The following RPS6KA3 variants were observed in gnomAD, a reference collection of about 807,000 sequenced individuals.
RPS6KA3 encodes the protein ribosomal protein S6 kinase A3, also known as ribosomal protein S6 kinase alpha-3.
RPS6KA3 carries 4 observed loss-of-function variants against 67.2 expected under a neutral mutation model. That is an observed-to-expected ratio of 0.06 (90% CI 0.03 to 0.14). RPS6KA3 has a LOEUF of 0.14. Ranked by LOEUF, RPS6KA3 falls within the 10% of genes least tolerant of loss-of-function variation. The pLI is 1.00. For missense variants in RPS6KA3, 204 were observed against 559.0 expected, an observed-to-expected ratio of 0.36 and a Z score of 6.40; for synonymous variants, 182 against 183.7, an observed-to-expected ratio of 0.99 and a Z score of 0.07.
At chrX:20,189,790 G>C (rs1348593677) in intron 7 of RPS6KA3, among the ~76,000 whole-genome samples, 1 of 111,970 alleles carries the variant, frequency 8.9e-6, no homozygotes, top group Non-Finnish European at 1.9e-5. Context: ...GTCAAACTTT[G>C]TTATAAAATT....
In RPS6KA3 at chrX:20,168,498, C is replaced by T. The variant is rs776386310; in HGVS notation, c.1444-751G>A. On this transcript the variant is annotated intron_variant, in intron 16 of 21. Transcript: ENST00000379565. ...GAAGTCTGAAAACTACAGAGGAAGGCAGGGTCTTAAGCGGCTGGGGACTTT... is the reference window on the plus strand; with the variant it reads ...GAAGTCTGAAAACTACAGAGGAAGGTAGGGTCTTAAGCGGCTGGGGACTTT... Among the ~76,000 whole-genome samples the T allele has an allele frequency of 3.0e-4, 34 of 111,707 alleles. No individual in the cohort carries two copies. In the South Asian group the frequency reaches 0.012, roughly 40 times the overall value.
intron 3 of RPS6KA3, among the ~76,000 whole-genome samples, chrX:20,209,066 T>TA (rs1265258404): frequency 8.9e-6 from 1 of 111,821 alleles, no homozygotes; most frequent in African/African-American, 3.3e-5. Flanking sequence ...CTCTTGAAGA[T>TA]AAAGTAGGAA....
At chrX:20,173,188 C>T (rs945136532) in intron 14 of RPS6KA3, among the ~76,000 whole-genome samples, 1 of 111,165 alleles carries the variant, frequency 9.0e-6, no homozygotes, top group Non-Finnish European at 1.9e-5. Context: ...AGTCCCCAGT[C>T]GGCTATAGGT....
intron 13 of RPS6KA3, 55 bp from the exon 14 acceptor site, chrX:20,175,343 A>G: frequency 8.8e-7 from 1 of 1,137,715 alleles, no homozygotes; most frequent in Non-Finnish European, 1.2e-6. Context: ...ATTAAGGGAA[A>G]AACTGTTGAC....
intron 7 of RPS6KA3, among the ~76,000 whole-genome samples, chrX:20,191,991 C>T (rs2148696432): frequency 9.0e-6 from 1 of 110,752 alleles, no homozygotes; most frequent in South Asian, 3.9e-4. Context: ...GTCTCAAACT[C>T]CTGACCTCAA....
intron 17 of RPS6KA3, among the ~76,000 whole-genome samples, chrX:20,165,839 C>T (rs1269341791): frequency 9.0e-6 from 1 of 111,282 alleles, no homozygotes; most frequent in Admixed American, 9.6e-5. Flanking sequence ...AATGATCTAC[C>T]TGAGTACAGT....
At position 20,154,423 on chromosome X, in the gene RPS6KA3, T is replaced by G. The variant is rs1345302020; in HGVS notation, c.*975A>C. On this transcript the variant is annotated 3_prime_UTR_variant, in exon 22 of 22. Coordinates refer to ENST00000379565, the MANE Select transcript of RPS6KA3 (RefSeq NM_004586.3). ...CAATTACCTGTTGCTAAATTTTCCTTCACCCATCTCCTTACCATGACTCTT... is the reference window on the plus strand; with the variant it reads ...CAATTACCTGTTGCTAAATTTTCCTGCACCCATCTCCTTACCATGACTCTT... 2.7e-5 allele frequency: 3 copies of G among 112,525 alleles called. No individual in the cohort carries two copies. The highest frequency in any genetic ancestry group is 6.5e-5 in the African/African-American group (2 of 30,965). The allele number at this position is 112,525 out of a possible 1,213,427, so 9.3% of individuals were successfully genotyped here. A position where few individuals can be genotyped will look rare whatever the true frequency, so the allele number is the denominator to read the frequency against.
chrX:20,156,015 G>C lies in RPS6KA3; in HGVS notation c.2100+94C>G, dbSNP rs1436282167. 7.4e-6 allele frequency: 7 copies of C among 950,087 alleles called. No homozygotes were observed. In the African/African-American group the frequency reaches 1.3e-4, roughly 18 times the overall value. 78.3% of individuals were successfully genotyped at this position (950,087 alleles called of 1,213,427 possible). ...AATCCCACAACAGAACTGGATGCAG[G>C]ATGAAAGAGAAAGGTGCTGGGGGCA... On this transcript the variant is annotated intron_variant, in intron 21 of 21. Transcript: ENST00000379565.
intron 14 of RPS6KA3, among the ~76,000 whole-genome samples, chrX:20,174,259 A>G (rs2067641590): frequency 9.0e-6 from 1 of 111,728 alleles, no homozygotes; most frequent in Non-Finnish European, 1.9e-5. Context: ...AGGGTGAAAC[A>G]AACTCGGCAT....
intron 1 of RPS6KA3, among the ~76,000 whole-genome samples, chrX:20,253,923 T>C (rs1401386992): frequency 9.2e-6 from 1 of 108,736 alleles, no homozygotes; most frequent in Non-Finnish European, 1.9e-5. Flanking sequence ...GGAGGGGAGG[T>C]GGTGGGCAGG....
chrX:20,191,430 C>A (rs892508848), intron 7 of RPS6KA3, among the ~76,000 whole-genome samples: 3 of 111,441 alleles, frequency 2.7e-5, no homozygotes. Flanking sequence ...GTTCTAGATC[C>A]TTGAGGAATC....
At chrX:20,161,161 A>G (rs1479866615) in intron 20 of RPS6KA3, among the ~76,000 whole-genome samples, 1 of 112,021 alleles carries the variant, frequency 8.9e-6, no homozygotes, top group East Asian at 2.8e-4. Context: ...AATTAAAAAT[A>G]GAACATGGTA....
intron 2 of RPS6KA3, among the ~76,000 whole-genome samples, chrX:20,224,046 G>A (rs1302761405): frequency 1.8e-5 from 2 of 111,153 alleles, no homozygotes; most frequent in Admixed American, 9.6e-5. Flanking sequence ...TATATTCTAG[G>A]CACTGTGCTT....
intron 1 of RPS6KA3, among the ~76,000 whole-genome samples, chrX:20,264,917 G>A (rs1004279027): frequency 8.9e-6 from 1 of 111,740 alleles, no homozygotes; most frequent in Non-Finnish European, 1.9e-5. Flanking sequence ...AAAATATGAC[G>A]AGCTCTTGCA....
At chrX:20,230,306 C>G (rs746603802) in intron 2 of RPS6KA3, among the ~76,000 whole-genome samples, 1 of 112,070 alleles carries the variant, frequency 8.9e-6, no homozygotes, top group Non-Finnish European at 1.9e-5. Context: ...GCAATGGAAT[C>G]TGGTATGGTG....
intron 20 of RPS6KA3, among the ~76,000 whole-genome samples, chrX:20,158,365 C>CAAAAAA (rs1209085517): frequency 3.5e-5 from 1 of 28,699 alleles, no homozygotes; most frequent in African/African-American, 1.5e-4. Flanking sequence ...GACTCTATCT[C>CAAAAAA]AAAAAAAAAA....
At position 20,258,482 on chromosome X, in the gene RPS6KA3, T is replaced by C. The variant is rs141002624; in HGVS notation, c.69+8082A>G. Among the ~76,000 whole-genome samples the C allele has an allele frequency of 3.6e-5, 4 of 111,764 alleles. No individual in the cohort carries two copies. The East Asian group carries it at 1.1e-3, about 31-fold the overall frequency. On this transcript the variant is annotated intron_variant, in intron 1 of 21. Transcript: ENST00000379565. The stretch of plus-strand genomic sequence containing the variant: ...GCATTTCAATCTATTAATGTCAAAA[T>C]GATCTTTTGCTTCAGGCTATCATTT...
chrX:20,249,522 C>T (rs1186499414), intron 1 of RPS6KA3, among the ~76,000 whole-genome samples: 1 of 111,826 alleles, frequency 8.9e-6, no homozygotes, highest in African/African-American at 3.3e-5. Flanking sequence ...AGTGATACCT[C>T]ATCATGTTTT....
intron 1 of RPS6KA3, among the ~76,000 whole-genome samples, 175 bp downstream of exon 1, chrX:20,266,389 G>A (rs2070385816): frequency 9.0e-6 from 1 of 111,547 alleles, no homozygotes; most frequent in Non-Finnish European, 1.9e-5. Flanking sequence ...AGGATGGAAG[G>A]AACAGACAGA....
Sources: gnomAD v4.1 joint callset for allele counts (sites outside exome capture counted in the v4.1 genomes callset) on GRCh38, gnomAD v4.1.1 for gene constraint, MANE v1.5 for transcripts, NCBI Gene and HGNC (gene_info 2026-07-23, HGNC 2026-07-21) for gene names.